Variants in PTN observed in about 807,000 individuals in gnomAD.
PTN encodes the protein pleiotrophin.
A neutral mutation model predicts 24.1 loss-of-function variants in PTN; 18 were observed. The ratio of observed to expected loss-of-function variants is 0.75; its 90% CI spans 0.52 to 1.11. PTN has a LOEUF of 1.11. Ranked by LOEUF, PTN falls within the 50% of genes least tolerant of loss-of-function variation. PTN has a pLI of 0.00. For synonymous variants in PTN, 78 were observed against 68.6 expected (o/e 1.14, Z -0.67); for missense variants, 163 against 198.8 (o/e 0.82, Z 1.08).
chr7:137,284,037 G>T (rs1407554638), intron 1 of PTN, among the ~76,000 whole-genome samples: 1 of 128,110 alleles, frequency 7.8e-6, no homozygotes, highest in African/African-American at 3.0e-5. Context: ...CGAGATCTCG[G>T]CTCACTGCAA....
chr7:137,243,273 A>C (rs1808664033), intron 4 of PTN, among the ~76,000 whole-genome samples: 4 of 151,988 alleles, frequency 2.6e-5, no homozygotes, highest in East Asian at 1.9e-4. Context: ...GCAGAGACAG[A>C]CTCTGTTTTC....
In PTN at chr7:137,293,615, T is replaced by A. The variant is rs558279297; in HGVS notation, c.-1-38641A>T. Among the ~76,000 whole-genome samples the A allele has an allele frequency of 2.8e-4, 43 of 152,202 alleles. No homozygotes were observed. In the South Asian group the frequency reaches 6.2e-3, roughly 22 times the overall value. ...ACTCATGTCCTGACTTTACTTTTTTTAAAAATAGACTGTATTTCTAGCACA... is the reference window on the plus strand; with the variant it reads ...ACTCATGTCCTGACTTTACTTTTTTAAAAAATAGACTGTATTTCTAGCACA... On this transcript the variant is annotated intron_variant, in intron 1 of 4. Transcript: ENST00000348225.
At chr7:137,341,491 A>G (rs1036632688) in intron 1 of PTN, among the ~76,000 whole-genome samples, 3 of 151,860 alleles carry the variant, frequency 2.0e-5, no homozygotes, top group Non-Finnish European at 4.4e-5. Flanking sequence ...CATATAATAC[A>G]TTAGACTATA....
At chr7:137,232,314 C>T (rs540152930) in intron 4 of PTN, among the ~76,000 whole-genome samples, 2 of 152,048 alleles carry the variant, frequency 1.3e-5, no homozygotes, top group South Asian at 4.1e-4. Context: ...CAGCAGTGCC[C>T]TGGGTAGATT....
intron 1 of PTN, among the ~76,000 whole-genome samples, chr7:137,291,569 G>A (rs971084670): frequency 3.9e-5 from 6 of 151,978 alleles, no homozygotes; most frequent in Admixed American, 1.3e-4. Flanking sequence ...CGCTGCCTAC[G>A]GGTCTCTCAT....
At chr7:137,266,622 C>G (rs1328604411) in intron 1 of PTN, among the ~76,000 whole-genome samples, 1 of 151,142 alleles carries the variant, frequency 6.6e-6, no homozygotes, top group Non-Finnish European at 1.5e-5. Context: ...AATTCTGCCT[C>G]CCCTTTTTTT....
intron 1 of PTN, among the ~76,000 whole-genome samples, chr7:137,293,333 G>A (rs190640699): frequency 2.5e-4 from 38 of 152,206 alleles, no homozygotes; most frequent in Admixed American, 4.6e-4. Flanking sequence ...GCTAGTGTGC[G>A]CGCATAAGGG....
At chr7:137,277,241 A>G (rs963830727) in intron 1 of PTN, among the ~76,000 whole-genome samples, 4 of 152,236 alleles carry the variant, frequency 2.6e-5, no homozygotes, top group African/African-American at 9.6e-5. Flanking sequence ...AGCCCACTCA[A>G]CTAACCAAAA....
intron 1 of PTN, among the ~76,000 whole-genome samples, chr7:137,269,459 A>G (rs950775010): frequency 4.6e-5 from 7 of 151,600 alleles, no homozygotes; most frequent in African/African-American, 1.7e-4. Context: ...GCTTCTCTCT[A>G]TCTTGTTTTG....
intron 4 of PTN, among the ~76,000 whole-genome samples, chr7:137,228,909 T>G (rs1321095032): frequency 1.3e-5 from 2 of 151,816 alleles, no homozygotes; most frequent in African/African-American, 2.4e-5. Context: ...CTGAGCCACT[T>G]CTCCAATTTG....
intron 4 of PTN, among the ~76,000 whole-genome samples, chr7:137,239,422 T>G (rs1434739001): frequency 6.7e-6 from 1 of 148,264 alleles, no homozygotes; most frequent in Non-Finnish European, 1.5e-5. Flanking sequence ...TATTATACTT[T>G]AAGTTTTAGG....
At chr7:137,337,859 G>A (rs2128883822) in intron 1 of PTN, among the ~76,000 whole-genome samples, 1 of 152,290 alleles carries the variant, frequency 6.6e-6, no homozygotes, top group Non-Finnish European at 1.5e-5. Context: ...TGGTCAAGGT[G>A]GGTGGAACAA....
intron 1 of PTN, among the ~76,000 whole-genome samples, chr7:137,323,198 C>T (rs1810193594): frequency 6.6e-6 from 1 of 152,110 alleles, no homozygotes; most frequent in South Asian, 2.1e-4. Flanking sequence ...GGTTTGTTGC[C>T]TGTGCCTAAA....
At chr7:137,251,506 T>C (rs1377754252) in intron 3 of PTN, 115 bp from the exon 4 acceptor site, 4 of 1,179,448 alleles carry the variant, frequency 3.4e-6, no homozygotes, top group Admixed American at 2.2e-5. Context: ...TAGATCCATA[T>C]GCAGCTATAA....
chr7:137,229,274 A>G (rs1808388698), intron 4 of PTN, among the ~76,000 whole-genome samples: 2 of 151,786 alleles, frequency 1.3e-5, no homozygotes. Flanking sequence ...TTATCAAGGC[A>G]TATTGATTGA....
In PTN at chr7:137,343,556, C is replaced by G. The variant is rs1371870108; in HGVS notation, c.-119G>C. The G allele has an allele frequency of 1.9e-6, 1 of 519,034 alleles. No individual in the cohort carries two copies. Among genetic ancestry groups the G allele is most frequent in the East Asian group, 5.5e-5 (1 of 18,334 alleles). The allele number at this position is 519,034 out of a possible 1,614,324, so 32.2% of individuals were successfully genotyped here. ...AGCTCCTGCTTGGGCCGCTGCTGCT[C>G]TCCCCGCCTTCTGGACGGATGACTC... On this transcript the variant is annotated 5_prime_UTR_variant, in exon 1 of 5. Transcript: ENST00000348225.
chr7:137,339,763 T>C lies in PTN; in HGVS notation c.-2+3676A>G, dbSNP rs532113075. The stretch of plus-strand genomic sequence containing the variant: ...TTGGGCAAGACGTTCTGGGACCTGT[T>C]GGGTGGGAAATAGTGGCAACCAAAT... On this transcript the variant is annotated intron_variant, in intron 1 of 4. Coordinates refer to ENST00000348225, the MANE Select transcript of PTN (RefSeq NM_002825.7). Among the ~76,000 whole-genome samples, 173 of 152,052 alleles carry C rather than the reference T, an allele frequency of 1.1e-3. 2 individuals are homozygous for C. In the Middle Eastern group the frequency reaches 0.017, roughly 15 times the overall value.
intron 1 of PTN, among the ~76,000 whole-genome samples, chr7:137,293,110 C>T (rs1441856728): frequency 6.6e-6 from 1 of 152,160 alleles, no homozygotes; most frequent in Non-Finnish European, 1.5e-5. Context: ...TAATAAGCCA[C>T]AAGGCTTTCC....
At chr7:137,254,011 A>T in intron 2 of PTN, among the ~76,000 whole-genome samples, 1 of 152,194 alleles carries the variant, frequency 6.6e-6, no homozygotes, top group Non-Finnish European at 1.5e-5. Context: ...TAGAAATAAC[A>T]GTTGTCAGCT....
Sources: gnomAD v4.1 joint callset for allele counts (sites outside exome capture counted in the v4.1 genomes callset) on GRCh38, gnomAD v4.1.1 for gene constraint, MANE v1.5 for transcripts, NCBI Gene and HGNC (gene_info 2026-07-23, HGNC 2026-07-21) for gene names.